ADGRL2: variants seen among roughly 807,000 people sequenced by gnomAD.
The protein encoded by ADGRL2 is adhesion G protein-coupled receptor L2, also known as calcium-independent alpha-latrotoxin receptor 2.
A neutral mutation model predicts 157.4 loss-of-function variants in ADGRL2; 44 were observed. The ratio of observed to expected loss-of-function variants is 0.28; its 90% CI spans 0.22 to 0.36. ADGRL2 has a LOEUF of 0.36. ADGRL2 is among the 10% of genes least tolerant of loss of function. The pLI is 1.00. For missense variants in ADGRL2, 1,510 were observed against 1,768.9 expected (o/e 0.85, Z 2.63); for synonymous variants, 585 against 624.7 (o/e 0.94, Z 0.95).
intron 19 of ADGRL2, 46 bp downstream of exon 19, chr1:81,982,022 A>G: frequency 6.9e-7 from 1 of 1,451,170 alleles, no homozygotes; most frequent in Non-Finnish European, 9.6e-7. Context: ...TCATTCTTTG[A>G]TTTGAATATA....
intron 12 of ADGRL2, 27 bp downstream of exon 12, chr1:81,966,210 A>G: frequency 6.2e-7 from 1 of 1,613,540 alleles, no homozygotes; most frequent in Non-Finnish European, 8.5e-7. Flanking sequence ...TTAAAAATTG[A>G]CAGTTTTTGT....
At chr1:81,579,990 A>C (rs1229652349) in intron 2 of ADGRL2, among the ~76,000 whole-genome samples, 2 of 152,180 alleles carry the variant, frequency 1.3e-5, no homozygotes, top group Admixed American at 1.3e-4. Flanking sequence ...AACTATTCAA[A>C]CTGCTTAAAA....
At chr1:81,545,772 G>T (rs2080001522) in intron 2 of ADGRL2, among the ~76,000 whole-genome samples, 1 of 152,196 alleles carries the variant, frequency 6.6e-6, no homozygotes, top group Non-Finnish European at 1.5e-5. Flanking sequence ...TAAGACTAGA[G>T]CTCAGTTTTA....
intron 1 of ADGRL2, among the ~76,000 whole-genome samples, chr1:81,713,994 G>T (rs72715714): frequency 0.017 from 2,664 of 152,296 alleles, 43 homozygotes; most frequent in South Asian, 0.055. Flanking sequence ...AGGAGAAAAA[G>T]CGTTTCTTAC....
chr1:81,464,330 C>A, intron 2 of ADGRL2, among the ~76,000 whole-genome samples: 1 of 152,066 alleles, frequency 6.6e-6, no homozygotes, highest in African/African-American at 2.4e-5. Flanking sequence ...CAACCCCCAC[C>A]CATCTCTAGT....
intron 10 of ADGRL2, among the ~76,000 whole-genome samples, chr1:81,954,603 A>G (rs1190846335): frequency 2.0e-5 from 3 of 152,052 alleles, no homozygotes; most frequent in Non-Finnish European, 4.4e-5. Flanking sequence ...CTGCAGACCA[A>G]TTTCTGTTCC....
At chr1:81,632,304 C>T (rs906237778) in intron 3 of ADGRL2, among the ~76,000 whole-genome samples, 1 of 152,170 alleles carries the variant, frequency 6.6e-6, no homozygotes, top group African/African-American at 2.4e-5. Flanking sequence ...AGACATTTCA[C>T]ATGGGATGGC....
At chr1:81,429,145 T>C (rs2077273786) in intron 1 of ADGRL2, among the ~76,000 whole-genome samples, 1 of 152,142 alleles carries the variant, frequency 6.6e-6, no homozygotes, top group Admixed American at 6.5e-5. Context: ...CAGCTTTTTT[T>C]TTTTTTACAA....
intron 1 of ADGRL2, among the ~76,000 whole-genome samples, chr1:81,393,143 T>C (rs2076589453): frequency 6.6e-6 from 1 of 151,966 alleles, no homozygotes; most frequent in Non-Finnish European, 1.5e-5. Context: ...AAAAAGAAAA[T>C]ATAACTAGTT....
At chr1:81,927,850 T>G (rs2095143343) in intron 3 of ADGRL2, among the ~76,000 whole-genome samples, 2 of 152,134 alleles carry the variant, frequency 1.3e-5, no homozygotes, top group South Asian at 2.1e-4. Context: ...AATAAATATT[T>G]AAAGAAAGCA....
At chr1:81,324,216 T>C (rs1660727293) in intron 1 of ADGRL2, among the ~76,000 whole-genome samples, 1 of 151,984 alleles carries the variant, frequency 6.6e-6, no homozygotes, top group Non-Finnish European at 1.5e-5. Context: ...TAAAAATATT[T>C]TTTAGGGCTG....
At chr1:81,335,834 TA>T (rs11351612) in intron 1 of ADGRL2, among the ~76,000 whole-genome samples, 55,208 of 143,074 alleles carry the variant, frequency 0.39, 10,497 homozygotes, top group African/African-American at 0.48. Context: ...ATATAGTGTT[TA>T]AAAAAAAAAA....
chr1:81,494,205 A>T (rs527531107), intron 2 of ADGRL2, among the ~76,000 whole-genome samples: 3 of 152,296 alleles, frequency 2.0e-5, no homozygotes, highest in African/African-American at 7.2e-5. Context: ...ATTTTCACTC[A>T]CTGAAGTGTA....
intron 2 of ADGRL2, among the ~76,000 whole-genome samples, chr1:81,538,934 G>C (rs1311743105): frequency 1.3e-5 from 2 of 148,678 alleles, no homozygotes; most frequent in African/African-American, 4.9e-5. Flanking sequence ...CTTGAGCCTG[G>C]AAGGCGGAAG....
At chr1:81,632,568 C>T (rs1202343252) in intron 3 of ADGRL2, among the ~76,000 whole-genome samples, 1 of 152,060 alleles carries the variant, frequency 6.6e-6, no homozygotes, top group Non-Finnish European at 1.5e-5. Context: ...ACCATCCTGG[C>T]TAACATGGTG....
chr1:81,521,968 T>G (rs1167210416), intron 2 of ADGRL2, among the ~76,000 whole-genome samples: 2 of 81,772 alleles, frequency 2.4e-5, no homozygotes, highest in South Asian at 4.1e-4. Flanking sequence ...GTACTTTTTG[T>G]TTTTTTTTTT....
rs912925065 is a variant in ADGRL2, at chr1:81,992,922, A to T, written c.*1777A>T. On this transcript the variant is annotated 3_prime_UTR_variant, in exon 24 of 24. Transcript: ENST00000686636. ...GTATCATAAGCATTTATAGAAAATT[A>T]TTCTAAAGCTTAATGGTTTGCTATA... is the stretch of plus-strand genomic sequence containing the variant. Among the ~76,000 whole-genome samples, 31 of 150,996 alleles carry T rather than the reference A, an allele frequency of 2.1e-4. No individual in the cohort carries two copies. Among genetic ancestry groups the T allele is most frequent in the Admixed American group, 1.4e-3 (21 of 15,096 alleles).
At chr1:81,319,965 A>G (rs1395346280) in intron 1 of ADGRL2, among the ~76,000 whole-genome samples, 1 of 152,194 alleles carries the variant, frequency 6.6e-6, no homozygotes, top group Non-Finnish European at 1.5e-5. Flanking sequence ...TCTATCACAC[A>G]ATGTTGTGTG....
At chr1:81,503,425 C>T (rs991115791) in intron 2 of ADGRL2, 300 of 1,613,518 alleles carry the variant, frequency 1.9e-4, no homozygotes, top group Non-Finnish European at 2.4e-4. Flanking sequence ...TACCTCATCC[C>T]GGGGCACCCC....
Sources: allele counts gnomAD v4.1 joint callset (sites outside exome capture counted in the v4.1 genomes callset), GRCh38; gene constraint gnomAD v4.1.1; transcripts MANE v1.5; gene names NCBI Gene and HGNC (gene_info 2026-07-23, HGNC 2026-07-21).